The following SMAP2 variants were observed in gnomAD, a reference collection of about 807,000 sequenced individuals.
The protein encoded by SMAP2 is small ArfGAP2, also known as stromal membrane-associated protein 2.
A neutral mutation model predicts 56.4 loss-of-function variants in SMAP2; 25 were observed. The ratio of observed to expected loss-of-function variants is 0.44; its 90% CI spans 0.32 to 0.62. The LOEUF (loss-of-function observed/expected upper bound fraction) is 0.62, where lower values mean the gene tolerates loss of function less well. Ranked by LOEUF, SMAP2 falls within the 20% of genes least tolerant of loss-of-function variation. The pLI is 0.04. For synonymous variants in SMAP2, 157 were observed against 181.7 expected (o/e 0.86, Z 1.09); for missense variants, 388 against 545.6 (o/e 0.71, Z 2.88).
chr1:40,387,930 G>T (rs987141100), intron 1 of SMAP2, among the ~76,000 whole-genome samples: 5 of 152,112 alleles, frequency 3.3e-5, no homozygotes, highest in East Asian at 3.9e-4. Flanking sequence ...TGGGCTTGGC[G>T]GGCCCCGCAC....
At chr1:40,394,827 G>T (rs578144766) in intron 1 of SMAP2, among the ~76,000 whole-genome samples, 1 of 152,080 alleles carries the variant, frequency 6.6e-6, no homozygotes, top group Non-Finnish European at 1.5e-5. Flanking sequence ...GATTTTTGTG[G>T]CAGTCAGGAG....
intron 1 of SMAP2, among the ~76,000 whole-genome samples, chr1:40,346,924 A>G (rs1644388507): frequency 6.6e-6 from 1 of 151,874 alleles, no homozygotes; most frequent in Non-Finnish European, 1.5e-5. Context: ...ATCATAGCTC[A>G]CTGCAGCCTG....
intron 9 of SMAP2, among the ~76,000 whole-genome samples, 172 bp from the exon 10 acceptor site, chr1:40,421,804 C>T (rs527295212): frequency 1.3e-5 from 2 of 152,312 alleles, no homozygotes; most frequent in South Asian, 2.1e-4. Flanking sequence ...CATTCACGTA[C>T]GTGGCCTTGA....
At chr1:40,420,976 T>TA (rs959319557) in intron 9 of SMAP2, among the ~76,000 whole-genome samples, 1 of 152,032 alleles carries the variant, frequency 6.6e-6, no homozygotes, top group Non-Finnish European at 1.5e-5. Flanking sequence ...GTGGTTCTGT[T>TA]AAAGTGTTCA....
chr1:40,374,593 G>A lies in SMAP2; in HGVS notation c.103+370G>A, dbSNP rs574069308. On this transcript the variant is annotated intron_variant, in intron 1 of 9. Transcript: ENST00000372718. This position sits in a 1 kb window ranked among gnomAD's most constrained non-coding sequence, Gnocchi z 5.9. ...TGAACTGCATTGCGTGCGTGCGTGC[G>A]TGCGTGTGTGTGTGTGTGTGTGTGT... 63 of 1,320,406 alleles carry A rather than the reference G, an allele frequency of 4.8e-5. No homozygotes were observed. In the African/African-American group the frequency reaches 1.1e-3, roughly 23 times the overall value. The allele number at this position is 1,320,406 out of a possible 1,614,324, so 81.8% of individuals were successfully genotyped here.
At chr1:40,392,175 G>A (rs1056679427) in intron 1 of SMAP2, among the ~76,000 whole-genome samples, 1 of 152,148 alleles carries the variant, frequency 6.6e-6, no homozygotes, top group Non-Finnish European at 1.5e-5. Context: ...ATCAGTTTAG[G>A]TTTAATAACT....
intron 1 of SMAP2, among the ~76,000 whole-genome samples, chr1:40,349,115 A>G (rs1259563842): frequency 6.6e-6 from 1 of 151,706 alleles, no homozygotes; most frequent in African/African-American, 2.4e-5. Flanking sequence ...TATCTTCTCT[A>G]TTTTCCTATT....
intron 1 of SMAP2, among the ~76,000 whole-genome samples, chr1:40,352,292 A>T (rs1201594381): frequency 6.6e-6 from 1 of 152,038 alleles, no homozygotes; most frequent in African/African-American, 2.4e-5. Flanking sequence ...GCCTTTCGTG[A>T]TCTGGCCCTC....
intron 1 of SMAP2, among the ~76,000 whole-genome samples, chr1:40,381,851 AT>A (rs1644603000): frequency 6.6e-6 from 1 of 152,222 alleles, no homozygotes; most frequent in Admixed American, 6.5e-5. Context: ...TAAATTCTCC[AT>A]TGAAATGTAC....
At chr1:40,409,650 A>T in intron 3 of SMAP2, 107 bp from the exon 4 acceptor site, 1 of 753,176 alleles carries the variant, frequency 1.3e-6, no homozygotes, top group South Asian at 1.7e-5. Flanking sequence ...TGGGGAAACC[A>T]GGCAAGAGGG....
intron 1 of SMAP2, among the ~76,000 whole-genome samples, chr1:40,380,412 A>C (rs1048645129): frequency 1.3e-5 from 2 of 152,108 alleles, no homozygotes; most frequent in Non-Finnish European, 2.9e-5. Context: ...ATGTACATTA[A>C]TCTTTAGCTT....
chr1:40,354,764 T>C (rs1424344652), intron 1 of SMAP2, among the ~76,000 whole-genome samples: 2 of 130,934 alleles, frequency 1.5e-5, no homozygotes, highest in African/African-American at 2.9e-5. Flanking sequence ...ACCAAAACAT[T>C]GAATTTTTTT....
intron 9 of SMAP2, among the ~76,000 whole-genome samples, chr1:40,420,031 C>A (rs1487771911): frequency 6.6e-6 from 1 of 152,024 alleles, no homozygotes; most frequent in Non-Finnish European, 1.5e-5. Flanking sequence ...TTCTCTGTTT[C>A]TTCTATGGAA....
At chr1:40,370,989 A>G (rs1269332501), upstream of SMAP2, among the ~76,000 whole-genome samples, 1 of 152,124 alleles carries the variant, frequency 6.6e-6, no homozygotes. Flanking sequence ...CCTGGCTAAC[A>G]GGGTGAAACC....
At chr1:40,362,877 C>G (rs1240616798) in intron 2 of SMAP2, among the ~76,000 whole-genome samples, 1 of 152,138 alleles carries the variant, frequency 6.6e-6, no homozygotes, top group East Asian at 1.9e-4. Flanking sequence ...TACATAGCAG[C>G]AGGCCTCCTC....
At chr1:40,413,479 C>G (rs1158057067) in intron 5 of SMAP2, among the ~76,000 whole-genome samples, 1 of 152,218 alleles carries the variant, frequency 6.6e-6, no homozygotes, top group Admixed American at 6.5e-5. Flanking sequence ...GAAGAACAGT[C>G]CAGAAGTGAG....
In SMAP2 at chr1:40,393,295, A is replaced by G. The variant is rs186653356; in HGVS notation, c.104-13441A>G. ...GCACTCTAGCTTGGGCAACAAAGCA[A>G]CAAACCCTATCTTAGAAGAACAAAC... is the stretch of plus-strand genomic sequence containing the variant. On this transcript the variant is annotated intron_variant, in intron 1 of 9. Coordinates refer to ENST00000372718, the MANE Select transcript of SMAP2 (RefSeq NM_022733.3). 129 of 1,503,034 alleles carry G rather than the reference A, an allele frequency of 8.6e-5. No individual in the cohort carries two copies. In the African/African-American group the frequency reaches 1.5e-3, roughly 18 times the overall value. The allele number at this position is 1,503,034 out of a possible 1,614,324, so 93.1% of individuals were successfully genotyped here.
chr1:40,371,027 G>C (rs1031303407), upstream of SMAP2, among the ~76,000 whole-genome samples: 10 of 152,190 alleles, frequency 6.6e-5, no homozygotes, highest in African/African-American at 2.4e-4. Flanking sequence ...CAAAAAATTA[G>C]CCAGGAGTGG....
At chr1:40,361,945 G>A (rs1644461778) in intron 1 of SMAP2, among the ~76,000 whole-genome samples, 1 of 152,236 alleles carries the variant, frequency 6.6e-6, no homozygotes, top group Non-Finnish European at 1.5e-5. Flanking sequence ...TGCAAAAGAG[G>A]CCAGTGAGGA....
Sources: allele counts gnomAD v4.1 joint callset (sites outside exome capture counted in the v4.1 genomes callset), GRCh38; gene constraint gnomAD v4.1.1; non-coding constraint Gnocchi (gnomAD v3.1); transcripts MANE v1.5; gene names NCBI Gene and HGNC (gene_info 2026-07-23, HGNC 2026-07-21).